Variants in PROS1 observed in about 807,000 individuals in gnomAD.
The protein encoded by PROS1 is vitamin K-dependent protein S.
Under a neutral mutation model 75.9 loss-of-function variants are expected in PROS1, and 29 were observed. The observed-to-expected ratio is 0.38, with a 90% CI of 0.28 to 0.52. The LOEUF is 0.52. PROS1 is among the 20% of genes least tolerant of loss of function. The probability of loss-of-function intolerance (pLI) is 0.83; values close to 1 mark genes in which losing one functional copy is unlikely to be tolerated. For missense variants in PROS1, 680 were observed against 810.3 expected, an observed-to-expected ratio of 0.84 and a Z score of 1.95; for synonymous variants, 245 against 280.6, an observed-to-expected ratio of 0.87 and a Z score of 1.27.
chr3:93,943,926 A>T (rs548909106), intron 1 of PROS1, among the ~76,000 whole-genome samples: 1 of 152,078 alleles, frequency 6.6e-6, no homozygotes, highest in Middle Eastern at 3.4e-3. Flanking sequence ...TCCACTACCT[A>T]CCCAAATCCT....
intron 1 of PROS1, among the ~76,000 whole-genome samples, chr3:93,964,983 G>A (rs916225863): frequency 6.6e-6 from 1 of 152,154 alleles, no homozygotes; most frequent in African/African-American, 2.4e-5. Flanking sequence ...CTTTAAACAA[G>A]GGGCTTGCAA....
intron 1 of PROS1, among the ~76,000 whole-genome samples, chr3:93,960,768 G>A (rs1259192516): frequency 6.6e-6 from 1 of 151,472 alleles, no homozygotes; most frequent in Non-Finnish European, 1.5e-5. Flanking sequence ...TAATATAAAG[G>A]TATGAAACAT....
intron 7 of PROS1, 71 bp downstream of exon 7, chr3:93,900,733 G>A: frequency 6.3e-7 from 1 of 1,593,162 alleles, no homozygotes; most frequent in East Asian, 2.2e-5. Flanking sequence ...CAAAGCCAAT[G>A]CTTTTAAATA....
Position 93,973,833 on chromosome 3 carries a change from T to G in PROS1, c.-84A>C. 1 of 1,241,290 alleles carries G rather than the reference T, an allele frequency of 8.1e-7. No homozygotes were observed. Among genetic ancestry groups the G allele is most frequent in the Non-Finnish European group, 1.1e-6 (1 of 896,748 alleles). 76.9% of individuals were successfully genotyped at this position (1,241,290 alleles called of 1,614,324 possible). ...GCTAGGCGCCGCGGAGCTGCGAGCC[T>G]GTGCGCCTCGGTCTGAGCCGTGCTG... On this transcript the variant is annotated 5_prime_UTR_variant, in exon 1 of 15. Coordinates refer to ENST00000394236, the MANE Select transcript of PROS1 (RefSeq NM_000313.4).
At chr3:93,957,533 T>G (rs1426844785) in intron 1 of PROS1, among the ~76,000 whole-genome samples, 1 of 152,190 alleles carries the variant, frequency 6.6e-6, no homozygotes, top group African/African-American at 2.4e-5. Context: ...GATTGTATGT[T>G]TCAAAACAAC....
chr3:93,879,861 T>A (rs879803826), intron 12 of PROS1, among the ~76,000 whole-genome samples: 1 of 152,234 alleles, frequency 6.6e-6, no homozygotes, highest in Non-Finnish European at 1.5e-5. Context: ...CTTGTCATAA[T>A]CCTTCACATT....
rs1708642626 is a variant in PROS1 at position 93,904,323 on chromosome 3, A to G, written c.601+1461T>C. 2.6e-5 allele frequency among the ~76,000 whole-genome samples: 4 copies of G among 152,172 alleles called. No individual in the cohort carries two copies. In the South Asian group the frequency reaches 8.3e-4, roughly 32 times the overall value. ...CAGCATGATTTATAGTCCTTTGGGT[A>G]TATATTCTAAGTAGTCTCAAAATCC... On this transcript the variant is annotated intron_variant, in intron 6 of 14. Transcript: ENST00000394236.
intron 3 of PROS1, among the ~76,000 whole-genome samples, chr3:93,918,936 TTG>T (rs1392447504): frequency 2.0e-5 from 3 of 152,204 alleles, no homozygotes; most frequent in South Asian, 2.1e-4. Context: ...GTAAATGGTT[TTG>T]TGTTATATAT....
intron 14 of PROS1, 51 bp downstream of exon 14, chr3:93,876,915 C>A: frequency 8.6e-7 from 1 of 1,157,104 alleles, no homozygotes; most frequent in Non-Finnish European, 1.3e-6. Flanking sequence ...AAAATATTAT[C>A]GGTTTGATTA....
chr3:93,956,981 T>C (rs1709613343), intron 1 of PROS1, among the ~76,000 whole-genome samples: 1 of 152,146 alleles, frequency 6.6e-6, no homozygotes, highest in Non-Finnish European at 1.5e-5. Flanking sequence ...ATTCTATTTC[T>C]AGAAAATTAA....
At chr3:93,960,164 G>C (rs1428836368) in intron 1 of PROS1, among the ~76,000 whole-genome samples, 1 of 150,804 alleles carries the variant, frequency 6.6e-6, no homozygotes, top group Non-Finnish European at 1.5e-5. Context: ...ATAAGCAGAA[G>C]TGCGTTTGTC....
intron 1 of PROS1, among the ~76,000 whole-genome samples, chr3:93,968,172 G>A (rs1709818780): frequency 6.6e-6 from 1 of 152,194 alleles, no homozygotes; most frequent in Non-Finnish European, 1.5e-5. Context: ...CCTAGTACCT[G>A]TAAATATGAC....
At position 93,874,348 on chromosome 3, in the gene PROS1, T is replaced by A. The variant is rs140472966; in HGVS notation, c.1928A>T (p.Asn643Ile). ...CAGATCCAACTGTACACCATTAATA[T>A]TCACTTCCATGCAGCCATTATAAAA... ...NAFYNGCMEV[N>I]INGVQLDLDE... The change falls in exon 15 of 15, where the codon AAT (asparagine) becomes ATT (isoleucine). Residue 643 changes from asparagine (N) to isoleucine (I), a missense_variant. Coordinates refer to ENST00000394236, the MANE Select transcript of PROS1 (RefSeq NM_000313.4). The A allele has an allele frequency of 4.3e-5, 69 of 1,613,452 alleles. No homozygotes were observed. In the African/African-American group the frequency reaches 8.4e-4, roughly 20 times the overall value.
At chr3:93,892,088 G>A (rs1708438850) in intron 10 of PROS1, among the ~76,000 whole-genome samples, 2 of 152,134 alleles carry the variant, frequency 1.3e-5, no homozygotes, top group Non-Finnish European at 2.9e-5. Context: ...CCAGCACTTT[G>A]GGAGGCCGAA....
chr3:93,906,209 C>A (rs1330222473), intron 4 of PROS1, 66 bp from the exon 5 acceptor site: 4 of 1,553,854 alleles, frequency 2.6e-6, no homozygotes, highest in Non-Finnish European at 3.5e-6. Flanking sequence ...ATTGTGTGTA[C>A]TATAATAAAA....
At chr3:93,927,885 GTA>G (rs71915979) in intron 1 of PROS1, among the ~76,000 whole-genome samples, 12,730 of 130,204 alleles carry the variant, frequency 0.098, 690 homozygotes, top group Middle Eastern at 0.26. Context: ...GTGTGTATGT[GTA>G]TATATATATA....
intron 2 of PROS1, 143 bp downstream of exon 2, chr3:93,927,107 T>C (rs1327752892): frequency 2.9e-6 from 3 of 1,051,958 alleles, no homozygotes; most frequent in Non-Finnish European, 2.8e-6. Flanking sequence ...TACTTCCTCC[T>C]GAAATGGAAG....
At chr3:93,943,799 C>A (rs1709333998) in intron 1 of PROS1, among the ~76,000 whole-genome samples, 1 of 152,160 alleles carries the variant, frequency 6.6e-6, no homozygotes, top group Non-Finnish European at 1.5e-5. Context: ...CCTGTTCCTG[C>A]CTTAACTGAT....
chr3:93,881,671 C>T (rs1216377993), intron 12 of PROS1, among the ~76,000 whole-genome samples: 3 of 150,628 alleles, frequency 2.0e-5, no homozygotes. Flanking sequence ...GCCATCCTCA[C>T]ACCTCAGCCT....
Sources: allele counts gnomAD v4.1 joint callset (sites outside exome capture counted in the v4.1 genomes callset), GRCh38; gene constraint gnomAD v4.1.1; transcripts MANE v1.5; gene names NCBI Gene and HGNC (gene_info 2026-07-23, HGNC 2026-07-21).